DENND1A: variants seen among roughly 807,000 people sequenced by gnomAD.
DENND1A encodes the protein DENN domain-containing protein 1A.
Under a neutral mutation model 113.7 loss-of-function variants are expected in DENND1A, and 51 were observed. That is an observed-to-expected ratio of 0.45 (90% CI 0.36 to 0.57). DENND1A has a LOEUF of 0.57. DENND1A is among the 20% of genes least tolerant of loss of function. DENND1A has a pLI of 0.00. For synonymous variants in DENND1A, 565 were observed against 570.8 expected (o/e 0.99, Z 0.14); for missense variants, 1,258 against 1,395.9 (o/e 0.90, Z 1.57).
At chr9:123,763,912 T>C (rs574761370) in intron 4 of DENND1A, among the ~76,000 whole-genome samples, 31 of 152,204 alleles carry the variant, frequency 2.0e-4, no homozygotes, top group Non-Finnish European at 3.7e-4. Flanking sequence ...AGTGTGTAGA[T>C]AACTCGTTCA....
chr9:123,382,729 T>C, intron 23 of DENND1A, 104 bp from the exon 24 acceptor site: 2 of 1,241,616 alleles, frequency 1.6e-6, no homozygotes, highest in Non-Finnish European at 2.3e-6. Context: ...CTGGGCCTAG[T>C]TGTGTGGCTG....
intron 12 of DENND1A, among the ~76,000 whole-genome samples, chr9:123,572,516 C>A (rs1042632455): frequency 2.6e-5 from 4 of 152,038 alleles, no homozygotes; most frequent in African/African-American, 9.7e-5. Flanking sequence ...TTTAGCCGTA[C>A]CAGTGGGTAT....
At chr9:123,880,594 C>A (rs1235652509) in intron 1 of DENND1A, among the ~76,000 whole-genome samples, 2 of 152,068 alleles carry the variant, frequency 1.3e-5, no homozygotes, top group African/African-American at 4.8e-5. Flanking sequence ...TTTAATATGC[C>A]CAGCGGCATC....
chr9:123,556,657 G>C (rs534411692), intron 13 of DENND1A, among the ~76,000 whole-genome samples: 12 of 152,316 alleles, frequency 7.9e-5, no homozygotes, highest in African/African-American at 2.9e-4. Flanking sequence ...ACTAGGCTGG[G>C]TGTGACAGCG....
chr9:123,814,153 T>C (rs1837086697), intron 2 of DENND1A, among the ~76,000 whole-genome samples: 1 of 152,174 alleles, frequency 6.6e-6, no homozygotes, highest in South Asian at 2.1e-4. Flanking sequence ...TTTAAGTTAA[T>C]AATATGTTTC....
At chr9:123,501,878 C>A (rs1467813239) in intron 13 of DENND1A, among the ~76,000 whole-genome samples, 1 of 152,184 alleles carries the variant, frequency 6.6e-6, no homozygotes, top group East Asian at 1.9e-4. Context: ...ACTCCAAGTT[C>A]TTCAGTTTTG....
rs2057500733 is a variant in DENND1A, at chr9:123,557,705, G to A, written c.868-10C>T. On this transcript the variant is annotated splice_polypyrimidine_tract_variant and intron_variant, in intron 12 of 23. Transcript: ENST00000394215. Reference sequence around the variant, plus strand: ...TCTTCAGGGAAGAGATCTGGTGATGGAGAGAAGGAAAACACAGGTTGAGGA... The same window carrying A: ...TCTTCAGGGAAGAGATCTGGTGATGAAGAGAAGGAAAACACAGGTTGAGGA... 1 of 1,613,404 alleles carries A rather than the reference G, an allele frequency of 6.2e-7. No individual in the cohort carries two copies. Among genetic ancestry groups the A allele is most frequent in the Non-Finnish European group, 8.5e-7 (1 of 1,179,608 alleles).
intron 10 of DENND1A, among the ~76,000 whole-genome samples, chr9:123,614,523 A>G (rs1424195140): frequency 2.0e-5 from 3 of 152,124 alleles, no homozygotes; most frequent in Non-Finnish European, 4.4e-5. Flanking sequence ...TCTGTTAATC[A>G]TGTTCCCCTG....
rs1178913103 is a variant in DENND1A at position 123,608,899 on chromosome 9, TTAAAA to T, written c.765+532_765+536del. ...TGTAGAGATTCCCAAGCCATGTTAA[TTAAAA>T]TAAAGACACAAAATTATAAAGTATA... is the stretch of plus-strand genomic sequence containing the variant. On this transcript the variant is annotated intron_variant, in intron 11 of 23. Transcript: ENST00000394215. 5.3e-5 allele frequency among the ~76,000 whole-genome samples: 8 copies of T among 152,250 alleles called. No individual in the cohort carries two copies. In the East Asian group the frequency reaches 1.3e-3, roughly 26 times the overall value.
chr9:123,451,013 T>C (rs2047679925), intron 17 of DENND1A, among the ~76,000 whole-genome samples: 1 of 152,206 alleles, frequency 6.6e-6, no homozygotes, highest in Non-Finnish European at 1.5e-5. Context: ...AAAGCCCTTC[T>C]TCTGCTCTCT....
intron 2 of DENND1A, among the ~76,000 whole-genome samples, chr9:123,835,264 A>C (rs1003609352): frequency 7.2e-5 from 11 of 152,242 alleles, no homozygotes; most frequent in Non-Finnish European, 1.3e-4. Context: ...CCAGAATAGC[A>C]CTGTCATTTA....
At chr9:123,896,626 T>A (rs1337773417) in intron 1 of DENND1A, among the ~76,000 whole-genome samples, 2 of 151,950 alleles carry the variant, frequency 1.3e-5, no homozygotes, top group Non-Finnish European at 2.9e-5. Context: ...TTTAATAAGC[T>A]TAAATAAATT....
intron 10 of DENND1A, among the ~76,000 whole-genome samples, chr9:123,627,778 T>TGAGAGA (rs56191828): frequency 2.5e-5 from 3 of 121,976 alleles, no homozygotes; most frequent in African/African-American, 9.5e-5. Flanking sequence ...AGCGAGCGAG[T>TGAGAGA]GAGAGAGAGA....
At chr9:123,539,740 G>A (rs896617807) in intron 13 of DENND1A, among the ~76,000 whole-genome samples, 23 of 151,940 alleles carry the variant, frequency 1.5e-4, no homozygotes, top group South Asian at 2.1e-4. Flanking sequence ...AAAATTAGCC[G>A]GGCACGGTGG....
chr9:123,835,166 G>C (rs1027222668), intron 2 of DENND1A, among the ~76,000 whole-genome samples: 6 of 150,954 alleles, frequency 4.0e-5, no homozygotes, highest in Non-Finnish European at 5.9e-5. Flanking sequence ...AACTAATCAG[G>C]ACAATGAAAC....
At chr9:123,427,369 C>T (rs1336430944) in intron 19 of DENND1A, among the ~76,000 whole-genome samples, 2 of 152,232 alleles carry the variant, frequency 1.3e-5, no homozygotes, top group African/African-American at 4.8e-5. Context: ...TTCTACCCTT[C>T]TCCTCTCCTA....
chr9:123,867,340 A>G (rs539180429), intron 2 of DENND1A, among the ~76,000 whole-genome samples: 1 of 152,324 alleles, frequency 6.6e-6, no homozygotes, highest in Non-Finnish European at 1.5e-5. Context: ...AGTCTAGCAC[A>G]GTCTAAAGTG....
intron 13 of DENND1A, among the ~76,000 whole-genome samples, chr9:123,460,051 A>C (rs887620765): frequency 6.6e-6 from 1 of 152,226 alleles, no homozygotes; most frequent in Non-Finnish European, 1.5e-5. Flanking sequence ...TTGGGAAAAA[A>C]GTAGCTGGGT....
At chr9:123,769,490 T>C in intron 4 of DENND1A, 24 bp downstream of exon 4, 1 of 1,589,430 alleles carries the variant, frequency 6.3e-7, no homozygotes, top group Non-Finnish European at 8.5e-7. Context: ...TTTTTTCTAG[T>C]AAAGTTTGAA....
Sources: gnomAD v4.1 joint callset for allele counts (sites outside exome capture counted in the v4.1 genomes callset) on GRCh38, gnomAD v4.1.1 for gene constraint, MANE v1.5 for transcripts, NCBI Gene and HGNC (gene_info 2026-07-23, HGNC 2026-07-21) for gene names.